Variants in MAD1L1 observed in about 807,000 individuals in gnomAD.
MAD1L1 encodes mitotic spindle assembly checkpoint protein MAD1.
A neutral mutation model predicts 96.9 loss-of-function variants in MAD1L1; 95 were observed. That is an observed-to-expected ratio of 0.98 (90% CI 0.83 to 1.16). MAD1L1 has a LOEUF of 1.16. Among genes scored for constraint, MAD1L1 ranks in the 50% most tolerant of loss-of-function variants. MAD1L1 has a pLI of 0.00. For synonymous variants in MAD1L1, 473 were observed against 396.6 expected, an observed-to-expected ratio of 1.19 and a Z score of -2.29; for missense variants, 1,007 against 954.4, an observed-to-expected ratio of 1.06 and a Z score of -0.73.
intron 18 of MAD1L1, among the ~76,000 whole-genome samples, chr7:1,893,782 C>A (rs1786699854): frequency 6.6e-6 from 1 of 152,178 alleles, no homozygotes; most frequent in Admixed American, 6.5e-5. Context: ...AGTGGCCTGG[C>A]CAAGGCTGCA....
intron 18 of MAD1L1, among the ~76,000 whole-genome samples, chr7:1,866,604 C>T (rs947545953): frequency 3.9e-5 from 6 of 152,150 alleles, no homozygotes; most frequent in African/African-American, 1.2e-4. Flanking sequence ...TGAGACGCCA[C>T]GGGAGGCTGC....
At chr7:2,042,533 C>T (rs565227954) in intron 12 of MAD1L1, among the ~76,000 whole-genome samples, 2 of 152,324 alleles carry the variant, frequency 1.3e-5, no homozygotes, top group African/African-American at 4.8e-5. Context: ...GATGTCTGCT[C>T]CCTCCAAATC....
chr7:1,928,129 A>T (rs929758689), intron 17 of MAD1L1, among the ~76,000 whole-genome samples: 1 of 144,264 alleles, frequency 6.9e-6, no homozygotes, highest in South Asian at 2.2e-4. Flanking sequence ...GCTCCCCACG[A>T]CCCGCCGGTC....
At chr7:1,867,320 G>A (rs1002417254) in intron 18 of MAD1L1, among the ~76,000 whole-genome samples, 4 of 150,760 alleles carry the variant, frequency 2.7e-5, no homozygotes, top group Non-Finnish European at 5.9e-5. Flanking sequence ...GGACAAGGAA[G>A]AGGTGCTGGC....
At chr7:2,210,507 CGT>C (rs1232037349) in intron 10 of MAD1L1, among the ~76,000 whole-genome samples, 4 of 125,172 alleles carry the variant, frequency 3.2e-5, no homozygotes, top group African/African-American at 1.1e-4. Context: ...CTCTAGGAGC[CGT>C]ATTCGGGACC....
At chr7:1,999,814 G>A (rs960274540) in intron 14 of MAD1L1, among the ~76,000 whole-genome samples, 2 of 152,194 alleles carry the variant, frequency 1.3e-5, no homozygotes, top group Non-Finnish European at 2.9e-5. Flanking sequence ...AACGCCGGCC[G>A]CAGGGCCCAG....
rs1184790143 is a variant in MAD1L1 at position 2,146,070 on chromosome 7, C to T, written c.1073+3082G>A. On this transcript the variant is annotated intron_variant, in intron 11 of 18. Coordinates refer to ENST00000265854, the MANE Select transcript of MAD1L1 (RefSeq NM_001013836.2). The surrounding 1 kb of genome is among the most constrained non-coding windows in gnomAD (Gnocchi z 6.2). ...ACTGCGTGGTGTAGGCTGCTCACAG[C>T]GGCACACTACGCCGGCTGATAGGCA... 6.6e-6 allele frequency among the ~76,000 whole-genome samples: 1 copy of T among 152,204 alleles called. No homozygotes were observed. The highest frequency in any genetic ancestry group is 2.1e-4 in the South Asian group (1 of 4,826).
chr7:1,976,857 G>C (rs527547034), intron 15 of MAD1L1, among the ~76,000 whole-genome samples: 109 of 152,176 alleles, frequency 7.2e-4, no homozygotes, highest in Non-Finnish European at 1.1e-3. Flanking sequence ...GTGCTGATTG[G>C]TGTATTTACA....
intron 18 of MAD1L1, among the ~76,000 whole-genome samples, chr7:1,840,900 C>T (rs967874521): frequency 2.0e-5 from 3 of 152,228 alleles, no homozygotes; most frequent in East Asian, 1.9e-4. Flanking sequence ...GTGAGTGGAC[C>T]GTGCAGACGG....
chr7:2,008,646 C>T (rs528250513), intron 13 of MAD1L1, among the ~76,000 whole-genome samples: 2 of 152,222 alleles, frequency 1.3e-5, no homozygotes, highest in African/African-American at 2.4e-5. Context: ...AGGCCAGGCA[C>T]TTCCCCAGCC....
chr7:2,076,182 C>T (rs1463618448), intron 11 of MAD1L1, among the ~76,000 whole-genome samples: 2 of 152,214 alleles, frequency 1.3e-5, no homozygotes, highest in African/African-American at 4.8e-5. Context: ...ACGCCCGGGC[C>T]CAGGGCAAAA....
chr7:1,973,956 C>G (rs1780518206), intron 15 of MAD1L1, among the ~76,000 whole-genome samples: 1 of 152,208 alleles, frequency 6.6e-6, no homozygotes, highest in Non-Finnish European at 1.5e-5. Flanking sequence ...AGACGCGCTC[C>G]CCGAGGGGCC....
chr7:1,975,159 T>C (rs550595784), intron 15 of MAD1L1, among the ~76,000 whole-genome samples: 1 of 152,338 alleles, frequency 6.6e-6, no homozygotes, highest in East Asian at 1.9e-4. Flanking sequence ...TGCCTCAGCC[T>C]GCTCCTGAAG....
chr7:2,204,260 C>G (rs1031494439), intron 10 of MAD1L1, among the ~76,000 whole-genome samples: 1 of 152,178 alleles, frequency 6.6e-6, no homozygotes, highest in Non-Finnish European at 1.5e-5. Flanking sequence ...CAGTCCAAGT[C>G]GCCACTAAGG....
chr7:2,179,387 G>A (rs914736234), intron 10 of MAD1L1, among the ~76,000 whole-genome samples: 1 of 152,048 alleles, frequency 6.6e-6, no homozygotes, highest in African/African-American at 2.4e-5. Flanking sequence ...AATTAGCCGG[G>A]CATGGTGGCG....
chr7:2,042,730 C>G (rs940475019), intron 12 of MAD1L1, among the ~76,000 whole-genome samples: 1 of 152,322 alleles, frequency 6.6e-6, no homozygotes, highest in South Asian at 2.1e-4. Context: ...TCCTTGCCTT[C>G]TGCCATGATC....
intron 17 of MAD1L1, among the ~76,000 whole-genome samples, chr7:1,904,438 T>C (rs1379932871): frequency 8.1e-5 from 9 of 110,564 alleles, no homozygotes; most frequent in East Asian, 3.1e-4. Context: ...CTATGAAAGA[T>C]GCTCTTGCGG....
At chr7:1,934,376 C>T (rs534925575) in intron 17 of MAD1L1, among the ~76,000 whole-genome samples, 24 of 152,238 alleles carry the variant, frequency 1.6e-4, no homozygotes, top group African/African-American at 4.6e-4. Context: ...AACGAACAGA[C>T]GGGCGAACCC....
intron 18 of MAD1L1, among the ~76,000 whole-genome samples, chr7:1,852,337 G>A (rs1182641147): frequency 6.6e-6 from 1 of 152,202 alleles, no homozygotes; most frequent in Non-Finnish European, 1.5e-5. Flanking sequence ...CCCGGACTGG[G>A]AGGACCTGGC....
Sources: gnomAD v4.1 joint callset for allele counts (sites outside exome capture counted in the v4.1 genomes callset) on GRCh38, gnomAD v4.1.1 for gene constraint, Gnocchi (gnomAD v3.1) non-coding constraint, MANE v1.5 for transcripts, NCBI Gene and HGNC (gene_info 2026-07-23, HGNC 2026-07-21) for gene names.